Variants in PTPN5 observed in about 807,000 individuals in gnomAD.
PTPN5 encodes the protein tyrosine-protein phosphatase non-receptor type 5.
Under a neutral mutation model 73.9 loss-of-function variants are expected in PTPN5, and 29 were observed. The observed-to-expected ratio is 0.39, with a 90% CI of 0.29 to 0.54. The LOEUF is 0.54. Ranked by LOEUF, PTPN5 falls within the 20% of genes least tolerant of loss-of-function variation. The pLI is 0.65. For synonymous variants in PTPN5, 267 were observed against 304.7 expected, an observed-to-expected ratio of 0.88 and a Z score of 1.29; for missense variants, 652 against 751.4, an observed-to-expected ratio of 0.87 and a Z score of 1.55.
chr11:18,761,201 G>A (rs1429868934), intron 3 of PTPN5, among the ~76,000 whole-genome samples: 1 of 152,228 alleles, frequency 6.6e-6, no homozygotes, highest in African/African-American at 2.4e-5. Flanking sequence ...TGATGCTGCT[G>A]AGAGCAACAC....
chr11:18,737,579 G>A (rs992066330), intron 9 of PTPN5, among the ~76,000 whole-genome samples: 7 of 152,192 alleles, frequency 4.6e-5, no homozygotes, highest in Non-Finnish European at 8.8e-5. Flanking sequence ...AAGAGTTTCG[G>A]TTACCACAGT....
At chr11:18,782,329 G>A (rs1851474197) in intron 1 of PTPN5, among the ~76,000 whole-genome samples, 1 of 152,012 alleles carries the variant, frequency 6.6e-6, no homozygotes, top group Non-Finnish European at 1.5e-5. Flanking sequence ...CCAGGTTCCA[G>A]GGATTCTCCT....
chr11:18,755,917 T>C (rs1460392908), intron 3 of PTPN5, among the ~76,000 whole-genome samples: 2 of 149,560 alleles, frequency 1.3e-5, no homozygotes, highest in Admixed American at 1.3e-4. Flanking sequence ...GGCAGGAGAA[T>C]TGCTTGAACC....
intron 1 of PTPN5, among the ~76,000 whole-genome samples, chr11:18,788,259 C>G (rs1363508170): frequency 6.6e-6 from 1 of 152,180 alleles, no homozygotes; most frequent in African/African-American, 2.4e-5. Context: ...TTCTGGCCAG[C>G]AGGCTCTCCA....
chr11:18,763,050 CAG>C (rs1220898744), intron 3 of PTPN5, among the ~76,000 whole-genome samples: 1 of 152,186 alleles, frequency 6.6e-6, no homozygotes, highest in Non-Finnish European at 1.5e-5. Context: ...AGAAATGAAA[CAG>C]AGAGGTCCTT....
At chr11:18,792,467 C>T (rs1398906790), upstream of PTPN5, 1 of 152,470 alleles carries the variant, frequency 6.6e-6, no homozygotes, top group Admixed American at 6.5e-5. Flanking sequence ...GAGTCTTGCC[C>T]TCCTGACGTG....
chr11:18,729,023 C>T lies in PTPN5; in HGVS notation c.1609G>A (p.Gly537Ser), dbSNP rs1173581007. 3 of 1,613,638 alleles carry T rather than the reference C, an allele frequency of 1.9e-6. No individual in the cohort carries two copies. Among genetic ancestry groups the T allele is most frequent in the Admixed American group, 1.7e-5 (1 of 59,938 alleles). Residue 537 changes from glycine to serine, a missense_variant, in exon 15 of 15, where the codon GGC becomes AGC. This residue lies in a region of PTPN5 where 102 missense variants were observed against 160.5 expected (regional missense o/e 0.64). Transcript: ENST00000358540. This position sits in a 1 kb window ranked among gnomAD's most constrained non-coding sequence, Gnocchi z 5.2. ...TACTGCTCGCATGTCTGGATCATGC[C>T]GCCCCTGCCCGGCAGAGATGCACAG... ...TTCQLRQDRG[G>S]MIQTCEQYQF...
chr11:18,787,401 T>C (rs960960211), intron 1 of PTPN5, among the ~76,000 whole-genome samples: 1 of 152,252 alleles, frequency 6.6e-6, no homozygotes, highest in Non-Finnish European at 1.5e-5. Context: ...GCACAAAGAA[T>C]ATAAGGTGAA....
In PTPN5 at chr11:18,742,418, G is replaced by T. The variant is rs751022157; in HGVS notation, c.569C>A (p.Ser190Tyr). 1.9e-6 allele frequency: 3 copies of T among 1,614,192 alleles called. No individual in the cohort carries two copies. Among genetic ancestry groups the T allele is most frequent in the Non-Finnish European group, 2.5e-6 (3 of 1,180,026 alleles). ...DRRQSVSRQP[S>Y]FTYSEWMEEK... ...CTCCATCCACTCTGAGTAGGTGAAGGAGGGCTGGCGGCTCACTGACTGGCG... is the reference window on the plus strand; with the variant it reads ...CTCCATCCACTCTGAGTAGGTGAAGTAGGGCTGGCGGCTCACTGACTGGCG... Residue 190 changes from serine to tyrosine, a missense_variant, in exon 7 of 15, where the codon TCC becomes TAC. Transcript: ENST00000358540. The surrounding 1 kb of genome is among the most constrained non-coding windows in gnomAD (Gnocchi z 4.1).
rs1280638934 is a variant in PTPN5 at position 18,791,495 on chromosome 11, CAAAGGCGCAGACGGAGGCGCCGCACTT to C, written c.-114+3_-114+29del. ...GCCCTCCACCTTCCGGCTCCGCACA[CAAAGGCGCAGACGGAGGCGCCGCACTT>C]ACCGGCCAGAGCGGGCTCCGGGCGC... On this transcript the variant is annotated splice_donor_5th_base_variant and intron_variant, in intron 1 of 14. Coordinates refer to ENST00000358540, the MANE Select transcript of PTPN5 (RefSeq NM_006906.2). 6.6e-6 allele frequency: 1 copy of C among 152,160 alleles called. No individual in the cohort carries two copies. Among genetic ancestry groups the C allele is most frequent in the Non-Finnish European group, 1.5e-5 (1 of 68,048 alleles). 9.4% of individuals were successfully genotyped at this position (152,160 alleles called of 1,614,324 possible).
intron 12 of PTPN5, among the ~76,000 whole-genome samples, chr11:18,731,983 A>G (rs954126540): frequency 2.0e-5 from 3 of 152,180 alleles, no homozygotes; most frequent in African/African-American, 7.2e-5. Context: ...AGTCTCCTCT[A>G]TTATGCTGAT....
At chr11:18,777,703 T>C (rs56268487) in intron 1 of PTPN5, among the ~76,000 whole-genome samples, 33,930 of 152,090 alleles carry the variant, frequency 0.22, 4,219 homozygotes, top group Middle Eastern at 0.31. Context: ...TCCAGCATTT[T>C]AGGAGGCCAA....
At position 18,733,279 on chromosome 11, in the gene PTPN5, T is replaced by C; in HGVS notation, c.1174A>G (p.Thr392Ala). 1 of 1,614,054 alleles carries C rather than the reference T, an allele frequency of 6.2e-7. No homozygotes were observed. Among genetic ancestry groups the C allele is most frequent in the South Asian group, 1.1e-5 (1 of 91,088 alleles). Reference sequence around the variant, plus strand: ...TTGGTGATCATGACAATGATGGGCGTGTGCTCCTGCCACACCATGCGCCAG... The same window carrying C: ...TTGGTGATCATGACAATGATGGGCGCGTGCTCCTGCCACACCATGCGCCAG... ...DFWRMVWQEH[T>A]PIIVMITNIE... Residue 392 changes from threonine to alanine, a missense_variant, in exon 11 of 15, where the codon ACG (threonine) becomes GCG (alanine). Transcript: ENST00000358540. This position sits in a 1 kb window ranked among gnomAD's most constrained non-coding sequence, Gnocchi z 4.3.
At chr11:18,762,227 T>G (rs1045289531) in intron 3 of PTPN5, among the ~76,000 whole-genome samples, 2 of 151,826 alleles carry the variant, frequency 1.3e-5, no homozygotes, top group African/African-American at 4.8e-5. Context: ...CATCTGAAGG[T>G]GGGTGTGGGA....
intron 12 of PTPN5, among the ~76,000 whole-genome samples, chr11:18,731,230 T>C (rs1288154122): frequency 1.3e-5 from 2 of 148,850 alleles, no homozygotes; most frequent in Non-Finnish European, 3.0e-5. Context: ...TAATAGGATA[T>C]GTATATCATA....
At chr11:18,743,923 G>T in intron 4 of PTPN5, 83 bp downstream of exon 4, 1 of 1,471,100 alleles carries the variant, frequency 6.8e-7, no homozygotes, top group Non-Finnish European at 9.0e-7. Context: ...TGCCTTCCAG[G>T]TGGCCATCCT....
At chr11:18,773,846 G>A (rs532788153) in intron 1 of PTPN5, among the ~76,000 whole-genome samples, 38 of 152,308 alleles carry the variant, frequency 2.5e-4, no homozygotes, top group African/African-American at 8.7e-4. Flanking sequence ...GACTGCAGCT[G>A]GGGACTGCCC....
chr11:18,737,819 T>G (rs1849181180), intron 9 of PTPN5, 61 bp downstream of exon 9: 1 of 1,443,874 alleles, frequency 6.9e-7, no homozygotes, highest in Non-Finnish European at 9.8e-7. Flanking sequence ...CTCCTCAGGG[T>G]GAGGGGATCC....
intron 9 of PTPN5, among the ~76,000 whole-genome samples, chr11:18,734,189 T>C (rs1849014764): frequency 6.6e-6 from 1 of 152,246 alleles, no homozygotes; most frequent in Non-Finnish European, 1.5e-5. Flanking sequence ...TAAAGGGCTG[T>C]TAAGATTCGG....
Sources: gnomAD v4.1 joint callset for allele counts (sites outside exome capture counted in the v4.1 genomes callset) on GRCh38, gnomAD v4.1.1 for gene constraint, gnomAD v4.1.1 regional missense constraint, Gnocchi (gnomAD v3.1) non-coding constraint, MANE v1.5 for transcripts, NCBI Gene and HGNC (gene_info 2026-07-23, HGNC 2026-07-21) for gene names.